SEMA5A: variants seen among roughly 807,000 people sequenced by gnomAD.
SEMA5A encodes semaphorin-5A.
SEMA5A carries 55 observed loss-of-function variants against 135.5 expected under a neutral mutation model. The observed-to-expected ratio is 0.41, with a 90% confidence interval of 0.33 to 0.51. The LOEUF is 0.51. Among genes scored for constraint, SEMA5A ranks in the 20% least tolerant of loss-of-function variants. The pLI, the probability that SEMA5A is intolerant of heterozygous loss-of-function variation, is 0.37. For synonymous variants in SEMA5A, 580 were observed against 546.5 expected, an observed-to-expected ratio of 1.06 and a Z score of -0.85; for missense variants, 1,290 against 1,419.9, an observed-to-expected ratio of 0.91 and a Z score of 1.47.
At chr5:9,157,381 GACA>G (rs1216461099) in intron 11 of SEMA5A, among the ~76,000 whole-genome samples, 1 of 152,170 alleles carries the variant, frequency 6.6e-6, no homozygotes, top group Non-Finnish European at 1.5e-5. Flanking sequence ...AGGGACTGGA[GACA>G]CCAGAAACTT....
At chr5:9,055,973 G>C (rs756557545) in intron 18 of SEMA5A, among the ~76,000 whole-genome samples, 1 of 152,044 alleles carries the variant, frequency 6.6e-6, no homozygotes, top group Non-Finnish European at 1.5e-5. Context: ...TTGGAGCTTG[G>C]CATCAGTGAG....
intron 8 of SEMA5A, among the ~76,000 whole-genome samples, chr5:9,206,256 A>G (rs972946498): frequency 3.3e-5 from 5 of 152,132 alleles, no homozygotes; most frequent in Non-Finnish European, 7.3e-5. Context: ...GTGTAAACAT[A>G]TGCATGGAGA....
rs147344493 is a variant in SEMA5A at position 9,204,298 on chromosome 5, C to T, written c.647-2058G>A. On this transcript the variant is annotated intron_variant, in intron 8 of 22. Transcript: ENST00000382496. This position sits in a 1 kb window ranked among gnomAD's most constrained non-coding sequence, Gnocchi z 6.4. ...TGTGTCTAGCCCGGGACTTAGGTTA[C>T]CAGCACACATGCAGGAGGTCCACCA... Among the ~76,000 whole-genome samples, 3 of 152,274 alleles carry T rather than the reference C, an allele frequency of 2.0e-5. No homozygotes were observed. Among genetic ancestry groups the T allele is most frequent in the African/African-American group, 7.2e-5 (3 of 41,562 alleles).
chr5:9,218,492 C>T lies in SEMA5A; in HGVS notation c.646+6182G>A, dbSNP rs987949207. On this transcript the variant is annotated intron_variant, in intron 8 of 22. Transcript: ENST00000382496. Reference sequence around the variant, plus strand: ...TATTGGAAACATGCAGAGGGACTACCTAAATGCATAAGCAAATTGTCTCAT... The same window carrying T: ...TATTGGAAACATGCAGAGGGACTACTTAAATGCATAAGCAAATTGTCTCAT... Among the ~76,000 whole-genome samples the T allele has an allele frequency of 2.6e-5, 4 of 152,312 alleles. 1 individual carries two copies. The South Asian group carries it at 6.2e-4, about 24-fold the overall frequency.
chr5:9,198,635 T>C (rs999279711), intron 9 of SEMA5A, among the ~76,000 whole-genome samples: 1 of 152,182 alleles, frequency 6.6e-6, no homozygotes, highest in Non-Finnish European at 1.5e-5. Flanking sequence ...GCATGATGCA[T>C]ACAGGGCCTG....
At chr5:9,120,030 T>A (rs1740728416) in intron 14 of SEMA5A, among the ~76,000 whole-genome samples, 1 of 152,104 alleles carries the variant, frequency 6.6e-6, no homozygotes, top group South Asian at 2.1e-4. Flanking sequence ...TGGTTATAAT[T>A]TAAGTGTCCC....
chr5:9,119,278 G>T, intron 14 of SEMA5A, 137 bp from the exon 15 acceptor site: 1 of 1,006,132 alleles, frequency 9.9e-7, no homozygotes, highest in Non-Finnish European at 1.5e-6. Flanking sequence ...CACCAGCCAG[G>T]GGACTGAATG....
chr5:9,327,908 A>C (rs928435613), intron 4 of SEMA5A, among the ~76,000 whole-genome samples: 1 of 152,030 alleles, frequency 6.6e-6, no homozygotes, highest in Admixed American at 6.5e-5. Flanking sequence ...ATAATTTTTC[A>C]TTTGAAAAAA....
chr5:9,422,561 G>C (rs1757506962), intron 2 of SEMA5A: 1 of 144,898 alleles, frequency 6.9e-6, no homozygotes, highest in South Asian at 2.3e-4. Context: ...AAACAAAAAG[G>C]CTAACGGAAT....
rs113118419 is a variant in SEMA5A at position 9,083,968 on chromosome 5, A to G, written c.2074-17322T>C. ...AGAATTGCAACACATACAGCATTTT[A>G]GTTACCTTGAGCAATCAATTCTGCC... is the stretch of plus-strand genomic sequence containing the variant. On this transcript the variant is annotated intron_variant, in intron 16 of 22. Transcript: ENST00000382496. Among the ~76,000 whole-genome samples, 1,355 of 152,288 alleles carry G rather than the reference A, an allele frequency of 8.9e-3. 36 individuals carry two copies. Among genetic ancestry groups the G allele is most frequent in the African/African-American group, 0.031 (1,280 of 41,560 alleles).
At chr5:9,399,933 A>C (rs1350776145) in intron 2 of SEMA5A, among the ~76,000 whole-genome samples, 1 of 152,190 alleles carries the variant, frequency 6.6e-6, no homozygotes, top group African/African-American at 2.4e-5. Flanking sequence ...ACTGGTATAC[A>C]TACAAAGTAA....
At chr5:9,178,521 C>G (rs1233198239) in intron 11 of SEMA5A, among the ~76,000 whole-genome samples, 1 of 151,922 alleles carries the variant, frequency 6.6e-6, no homozygotes, top group Non-Finnish European at 1.5e-5. Context: ...TTAGTAGAGA[C>G]AGGTTTCACC....
rs561753234 is a variant in SEMA5A, at chr5:9,400,006, C to T, written c.-77-19983G>A. On this transcript the variant is annotated intron_variant, in intron 2 of 22. Coordinates refer to ENST00000382496, the MANE Select transcript of SEMA5A (RefSeq NM_003966.3). ...AAAAAGGATGACTTCATATCCTTTG[C>T]AGGAACATCTATGAAGCTGTGAACC... Among the ~76,000 whole-genome samples, 6 of 152,304 alleles carry T rather than the reference C, an allele frequency of 3.9e-5. No individual in the cohort carries two copies. The South Asian group carries it at 1.2e-3, about 32-fold the overall frequency.
chr5:9,199,734 A>G (rs1027582191), intron 9 of SEMA5A, among the ~76,000 whole-genome samples: 4 of 152,002 alleles, frequency 2.6e-5, no homozygotes, highest in African/African-American at 7.3e-5. Context: ...TACAATCTCT[A>G]CAGTTTACTA....
At chr5:9,124,140 G>C (rs534144105) in intron 13 of SEMA5A, among the ~76,000 whole-genome samples, 1 of 152,208 alleles carries the variant, frequency 6.6e-6, no homozygotes, top group Non-Finnish European at 1.5e-5. Context: ...CCAGGGCAGG[G>C]ACCTTATGGG....
At chr5:9,272,830 A>G (rs10075425) in intron 5 of SEMA5A, among the ~76,000 whole-genome samples, 7 of 152,202 alleles carry the variant, frequency 4.6e-5, no homozygotes, top group Admixed American at 4.6e-4. Flanking sequence ...AACCAAAAGG[A>G]TGCCCACTCA....
At chr5:9,426,432 T>TAAAATAAAATA (rs1554034269) in intron 2 of SEMA5A, among the ~76,000 whole-genome samples, 1 of 121,054 alleles carries the variant, frequency 8.3e-6, no homozygotes, top group Non-Finnish European at 1.7e-5. Context: ...CTCAAAAAAA[T>TAAAATAAAATA]AAATAAAATA....
chr5:9,536,961 G>T (rs1180645500), intron 1 of SEMA5A, among the ~76,000 whole-genome samples: 1 of 152,128 alleles, frequency 6.6e-6, no homozygotes, highest in African/African-American at 2.4e-5. Flanking sequence ...GAACATTCGA[G>T]GCCCTTCCCT....
At chr5:9,509,259 A>AATTATT (rs112585205) in intron 1 of SEMA5A, among the ~76,000 whole-genome samples, 1 of 149,918 alleles carries the variant, frequency 6.7e-6, no homozygotes, top group Non-Finnish European at 1.5e-5. Context: ...TCCAACATAA[A>AATTATT]ATTATTATTA....
Sources: gnomAD v4.1 joint callset for allele counts (sites outside exome capture counted in the v4.1 genomes callset) on GRCh38, gnomAD v4.1.1 for gene constraint, Gnocchi (gnomAD v3.1) non-coding constraint, MANE v1.5 for transcripts, NCBI Gene and HGNC (gene_info 2026-07-23, HGNC 2026-07-21) for gene names.